LRP6: variants seen among roughly 807,000 people sequenced by gnomAD.
The protein encoded by LRP6 is low-density lipoprotein receptor-related protein 6.
In LRP6, 43 loss-of-function variants were observed where a neutral mutation model predicts 184.1. The observed-to-expected ratio is 0.23, with a 90% CI of 0.18 to 0.30. The LOEUF (loss-of-function observed/expected upper bound fraction) is 0.30, where lower values mean the gene tolerates loss of function less well. LRP6 is among the 10% of genes least tolerant of loss of function. The probability of loss-of-function intolerance (pLI) is 1.00; values close to 1 mark genes in which losing one functional copy is unlikely to be tolerated. For missense variants in LRP6, 1,571 were observed against 2,005.3 expected (o/e 0.78, Z 4.14); for synonymous variants, 719 against 684.9 (o/e 1.05, Z -0.78).
At chr12:12,198,979 A>G (rs1017387565) in intron 3 of LRP6, among the ~76,000 whole-genome samples, 2 of 152,232 alleles carry the variant, frequency 1.3e-5, no homozygotes, top group African/African-American at 4.8e-5. Flanking sequence ...AACTAGCTAC[A>G]CAATGCATCT....
At chr12:12,158,727 G>A in intron 12 of LRP6, 102 bp downstream of exon 12, 1 of 1,159,098 alleles carries the variant, frequency 8.6e-7, no homozygotes, top group Non-Finnish European at 1.3e-6. Context: ...AACCCCCTCT[G>A]GATTTCCACA....
chr12:12,257,730 C>T (rs1428079003), intron 1 of LRP6, among the ~76,000 whole-genome samples: 1 of 125,822 alleles, frequency 7.9e-6, no homozygotes, highest in South Asian at 2.6e-4. Flanking sequence ...ATCACTTGAG[C>T]CCAGGAATTC....
intron 2 of LRP6, among the ~76,000 whole-genome samples, chr12:12,242,876 C>G (rs1865100023): frequency 6.7e-6 from 1 of 148,786 alleles, no homozygotes; most frequent in South Asian, 2.1e-4. Flanking sequence ...ACATGGCATC[C>G]TGTTCAACCT....
Position 12,149,114 on chromosome 12 carries a change from G to A in LRP6, c.3034C>T (p.Leu1012=), listed in dbSNP as rs745612393. The A allele has an allele frequency of 6.2e-7, 1 of 1,613,952 alleles. No individual in the cohort carries two copies. The highest frequency in any genetic ancestry group is 1.1e-5 in the South Asian group (1 of 91,062). The change falls in exon 14 of 23, where the codon CTG becomes TTG. Residue 1012 remains leucine, a synonymous_variant. Transcript: ENST00000261349. ...VVVSSVPSQN[L]EIQPYDLSID... is the part of the protein sequence containing the mutation. ...CTGAGGTCATAGGGTTGTATTTCCA[G>A]GTTCTGACTCGGAACTGAGCTCACA...
chr12:12,221,066 C>CT (rs1398159185), intron 2 of LRP6, among the ~76,000 whole-genome samples: 1 of 152,202 alleles, frequency 6.6e-6, no homozygotes, highest in Non-Finnish European at 1.5e-5. Context: ...TATGACCCCT[C>CT]TCTCCTTAAG....
intron 16 of LRP6, among the ~76,000 whole-genome samples, 196 bp from the exon 17 acceptor site, chr12:12,135,496 T>TTATTAC (rs960292269): frequency 5.3e-5 from 8 of 149,994 alleles, no homozygotes; most frequent in African/African-American, 2.0e-4. Context: ...ATTATTATTA[T>TTATTAC]TATTATTATT....
chr12:12,145,440 C>T (rs747634257), intron 15 of LRP6, among the ~76,000 whole-genome samples: 3 of 151,946 alleles, frequency 2.0e-5, no homozygotes, highest in Admixed American at 6.6e-5. Context: ...ATGCTCCAGA[C>T]TTGAGATATA....
At chr12:12,149,750 ATCAAG>A (rs1378277714) in intron 13 of LRP6, among the ~76,000 whole-genome samples, 6 of 152,182 alleles carry the variant, frequency 3.9e-5, no homozygotes, top group Non-Finnish European at 5.9e-5. Flanking sequence ...AAGGCTACAA[ATCAAG>A]TCATCTCCTT....
intron 21 of LRP6, among the ~76,000 whole-genome samples, 183 bp downstream of exon 21, chr12:12,125,113 C>T (rs1267999893): frequency 6.6e-6 from 1 of 152,186 alleles, no homozygotes; most frequent in Non-Finnish European, 1.5e-5. Context: ...GGTTACTACA[C>T]AGTAACTTAA....
chr12:12,223,005 T>C (rs953754222), intron 2 of LRP6, among the ~76,000 whole-genome samples: 2 of 152,072 alleles, frequency 1.3e-5, no homozygotes, highest in African/African-American at 4.8e-5. Flanking sequence ...GAAGCCAAAA[T>C]TATAGATGAC....
intron 1 of LRP6, among the ~76,000 whole-genome samples, chr12:12,261,465 T>TA (rs1449860804): frequency 1.3e-5 from 2 of 150,928 alleles, no homozygotes; most frequent in Non-Finnish European, 3.0e-5. Context: ...AATAACAAGC[T>TA]AAAACCTTAA....
chr12:12,248,163 T>G (rs1432660736), intron 1 of LRP6, among the ~76,000 whole-genome samples: 1 of 152,198 alleles, frequency 6.6e-6, no homozygotes, highest in Non-Finnish European at 1.5e-5. Context: ...AAAGCAATAC[T>G]TTCGGTTCAG....
intron 2 of LRP6, among the ~76,000 whole-genome samples, chr12:12,218,254 C>T (rs987805283): frequency 1.3e-5 from 2 of 152,096 alleles, no homozygotes; most frequent in African/African-American, 4.8e-5. Context: ...GGGAGGACCA[C>T]TTGAGTCCAG....
chr12:12,180,351 T>G (rs1591920592), intron 6 of LRP6, among the ~76,000 whole-genome samples: 1 of 151,830 alleles, frequency 6.6e-6, no homozygotes, highest in African/African-American at 2.4e-5. Flanking sequence ...ATCCCAGCAG[T>G]ATTAGTCAGA....
chr12:12,125,661 A>C (rs543792930), intron 20 of LRP6, among the ~76,000 whole-genome samples: 1 of 152,312 alleles, frequency 6.6e-6, no homozygotes, highest in Non-Finnish European at 1.5e-5. Flanking sequence ...GGCCAAGAAT[A>C]GCTCCCACCT....
chr12:12,190,045 G>A (rs1220496548), intron 3 of LRP6, among the ~76,000 whole-genome samples: 1 of 152,122 alleles, frequency 6.6e-6, no homozygotes, highest in Admixed American at 6.5e-5. Context: ...TAAACACTCT[G>A]GGGATGCTTG....
At chr12:12,223,193 A>C (rs1864535284) in intron 2 of LRP6, among the ~76,000 whole-genome samples, 1 of 151,810 alleles carries the variant, frequency 6.6e-6, no homozygotes, top group African/African-American at 2.4e-5. Flanking sequence ...AAAAAAAAAA[A>C]AACCAGGACC....
At chr12:12,131,515 T>C (rs939911500) in intron 18 of LRP6, among the ~76,000 whole-genome samples, 4 of 152,224 alleles carry the variant, frequency 2.6e-5, no homozygotes, top group Non-Finnish European at 4.4e-5. Flanking sequence ...ATATAAAATA[T>C]GTTAGAGCGT....
chr12:12,164,464 T>C lies in LRP6; in HGVS notation c.1861A>G (p.Ile621Val), dbSNP rs1436545898. The change falls in exon 9 of 23, where the codon ATC becomes GTC. Residue 621 changes from isoleucine (I) to valine (V), a missense_variant. This residue lies in a region of LRP6 where 640 missense variants were observed against 851.9 expected (regional missense o/e 0.75). Transcript: ENST00000261349. ...RCACPIGFEL[I>V]SDMKTCIVPE... is the part of the protein sequence containing the mutation. ...ACAATGCAGGTCTTCATGTCACTGA[T>C]GAGTTCAAAGCCAATAGGGCAAGCA... The C allele has an allele frequency of 6.2e-6, 10 of 1,613,992 alleles. No homozygotes were observed. The highest frequency in any genetic ancestry group is 8.5e-6 in the Non-Finnish European group (10 of 1,180,026).
Sources: gnomAD v4.1 joint callset for allele counts (sites outside exome capture counted in the v4.1 genomes callset) on GRCh38, gnomAD v4.1.1 for gene constraint, gnomAD v4.1.1 regional missense constraint, MANE v1.5 for transcripts, NCBI Gene and HGNC (gene_info 2026-07-23, HGNC 2026-07-21) for gene names.